Variants in TENM3 observed in about 807,000 individuals in gnomAD.
TENM3 encodes teneurin transmembrane protein 3, also known as teneurin-3.
A neutral mutation model predicts 255.1 loss-of-function variants in TENM3; 63 were observed. The observed-to-expected ratio is 0.25, with a 90% CI of 0.20 to 0.30. TENM3 has a LOEUF of 0.30. TENM3 is among the 10% of genes least tolerant of loss of function. The probability of loss-of-function intolerance (pLI) is 1.00; values close to 1 mark genes in which losing one functional copy is unlikely to be tolerated. For synonymous variants in TENM3, 1,306 were observed against 1,322.3 expected (o/e 0.99, Z 0.27); for missense variants, 2,929 against 3,461.1 (o/e 0.85, Z 3.86).
At chr4:182,318,455 C>T (rs1762870571) in intron 1 of TENM3, among the ~76,000 whole-genome samples, 1 of 152,126 alleles carries the variant, frequency 6.6e-6, no homozygotes, top group South Asian at 2.1e-4. Context: ...TACATCATTA[C>T]ATTACGAAAC....
At chr4:181,602,514 TGAAATG>T in the TENM3 span, among the ~76,000 whole-genome samples, 1 of 152,206 alleles carries the variant, frequency 6.6e-6, no homozygotes, top group Non-Finnish European at 1.5e-5. Flanking sequence ...AGTCTAAACT[TGAAATG>T]GAAATTCTAC....
chr4:182,551,219 T>TAAAAA (rs34487025), intron 3 of TENM3, among the ~76,000 whole-genome samples: 2 of 112,258 alleles, frequency 1.8e-5, no homozygotes, highest in South Asian at 3.1e-4. Flanking sequence ...AGACTCCATC[T>TAAAAA]AAAAAAAAAA....
chr4:182,407,171 A>G lies in TENM3; in HGVS notation c.511+60242A>G, dbSNP rs187052098. Reference sequence around the variant, plus strand: ...GGAGATCTCAGTTCAGTTCTGGTGGACAGAGTTCGAACGTAAAAACCCACC... The same window carrying G: ...GGAGATCTCAGTTCAGTTCTGGTGGGCAGAGTTCGAACGTAAAAACCCACC... On this transcript the variant is annotated intron_variant, in intron 3 of 27. Transcript: ENST00000511685. 5.7e-3 allele frequency among the ~76,000 whole-genome samples: 825 copies of G among 145,156 alleles called. 4 individuals are homozygous for G. The highest frequency in any genetic ancestry group is 7.1e-3 in the Middle Eastern group (2 of 282).
the TENM3 span, among the ~76,000 whole-genome samples, chr4:181,517,556 T>C: frequency 2.6e-5 from 4 of 152,200 alleles, no homozygotes; most frequent in South Asian, 8.3e-4. Flanking sequence ...AACAAAAACT[T>C]CTCTTCGCAC....
At chr4:182,145,836 T>G (rs904516901) in intron 1 of TENM3, among the ~76,000 whole-genome samples, 1 of 152,236 alleles carries the variant, frequency 6.6e-6, no homozygotes, top group African/African-American at 2.4e-5. Context: ...CAATGTATTT[T>G]GTCAAACATT....
At chr4:181,733,600 G>C in the TENM3 span, among the ~76,000 whole-genome samples, 2 of 152,256 alleles carry the variant, frequency 1.3e-5, no homozygotes, top group African/African-American at 4.8e-5. Context: ...GGCATCACTT[G>C]TTTGAATGAT....
chr4:182,371,016 G>A (rs1408014833), intron 3 of TENM3, among the ~76,000 whole-genome samples: 1 of 152,000 alleles, frequency 6.6e-6, no homozygotes, highest in Non-Finnish European at 1.5e-5. Context: ...ATGAAGTTGA[G>A]ACGTTTTGGT....
the TENM3 span, among the ~76,000 whole-genome samples, chr4:181,998,841 G>T: frequency 2.0e-5 from 3 of 152,082 alleles, no homozygotes; most frequent in Non-Finnish European, 4.4e-5. Context: ...TGGAATATAG[G>T]CATTTTATCA....
chr4:182,046,579 T>C, the TENM3 span, among the ~76,000 whole-genome samples: 254 of 125,742 alleles, frequency 2.0e-3, no homozygotes, highest in Non-Finnish European at 3.0e-3. Context: ...ATAATAATAA[T>C]AACAACCAGG....
At chr4:182,402,756 T>C (rs1452616674) in intron 3 of TENM3, among the ~76,000 whole-genome samples, 1 of 152,188 alleles carries the variant, frequency 6.6e-6, no homozygotes, top group Non-Finnish European at 1.5e-5. Context: ...CTAATGCATT[T>C]TGGTGGATCA....
chr4:182,375,367 G>C (rs1404973067), intron 3 of TENM3, among the ~76,000 whole-genome samples: 1 of 152,008 alleles, frequency 6.6e-6, no homozygotes, highest in Non-Finnish European at 1.5e-5. Context: ...CGGAATGAAC[G>C]AAATGTCCAT....
At chr4:182,717,170 C>T (rs1045504813) in intron 13 of TENM3, among the ~76,000 whole-genome samples, 2 of 152,164 alleles carry the variant, frequency 1.3e-5, no homozygotes, top group African/African-American at 2.4e-5. Flanking sequence ...TACTTCACCC[C>T]GTCAAGTTTG....
At chr4:182,184,852 C>T (rs13118247) in intron 1 of TENM3, among the ~76,000 whole-genome samples, 31,260 of 151,954 alleles carry the variant, frequency 0.21, 3,755 homozygotes, top group Middle Eastern at 0.3. Context: ...TTTGGGAGGC[C>T]GAGGTGTATC....
chr4:182,490,201 T>A (rs1304704529), intron 3 of TENM3, among the ~76,000 whole-genome samples: 2 of 152,212 alleles, frequency 1.3e-5, no homozygotes, highest in Non-Finnish European at 2.9e-5. Flanking sequence ...AATGATGATG[T>A]TGTTACGTGA....
chr4:181,752,526 T>C, the TENM3 span, among the ~76,000 whole-genome samples: 1 of 151,944 alleles, frequency 6.6e-6, no homozygotes, highest in Non-Finnish European at 1.5e-5. Context: ...CACACCAGCC[T>C]GGGCGACAGA....
chr4:181,490,541 G>C, the TENM3 span, among the ~76,000 whole-genome samples: 7 of 152,114 alleles, frequency 4.6e-5, no homozygotes, highest in Non-Finnish European at 1.0e-4. Context: ...CAATGCACCG[G>C]ACTAATTGCC....
At chr4:181,784,437 G>A in the TENM3 span, among the ~76,000 whole-genome samples, 1 of 151,776 alleles carries the variant, frequency 6.6e-6, no homozygotes, top group African/African-American at 2.4e-5. Flanking sequence ...TATATTATTG[G>A]ATTTAATTTC....
At chr4:182,227,072 T>C (rs1345057734) in intron 1 of TENM3, among the ~76,000 whole-genome samples, 1 of 152,176 alleles carries the variant, frequency 6.6e-6, no homozygotes, top group African/African-American at 2.4e-5. Context: ...CCTCTATCTC[T>C]TTGAATTTGT....
intron 12 of TENM3, among the ~76,000 whole-genome samples, chr4:182,711,351 C>T (rs1758736287): frequency 6.6e-6 from 1 of 152,124 alleles, no homozygotes; most frequent in Non-Finnish European, 1.5e-5. Context: ...AGTGTTAGTT[C>T]AGTGAGTTGA....
Sources: gnomAD v4.1 joint callset for allele counts (sites outside exome capture counted in the v4.1 genomes callset) on GRCh38, gnomAD v4.1.1 for gene constraint, MANE v1.5 for transcripts, NCBI Gene and HGNC (gene_info 2026-07-23, HGNC 2026-07-21) for gene names.